SORCS2: variants seen among roughly 807,000 people sequenced by gnomAD.
SORCS2 encodes VPS10 domain-containing receptor SorCS2.
SORCS2 carries 100 observed loss-of-function variants against 141.6 expected under a neutral mutation model. The observed-to-expected ratio is 0.71, with a 90% CI of 0.60 to 0.83. SORCS2 has a LOEUF of 0.83. SORCS2 is among the 40% of genes least tolerant of loss of function. The pLI, the probability that SORCS2 is intolerant of heterozygous loss-of-function variation, is 0.00. For missense variants in SORCS2, 1,646 were observed against 1,560.2 expected (o/e 1.05, Z -0.93); for synonymous variants, 789 against 676.9 (o/e 1.17, Z -2.57).
intron 1 of SORCS2, among the ~76,000 whole-genome samples, chr4:7,378,523 G>A (rs979925789): frequency 2.0e-5 from 3 of 152,178 alleles, no homozygotes; most frequent in African/African-American, 7.2e-5. Flanking sequence ...AAAACCCTCA[G>A]ATCTCATGGG....
chr4:7,267,187 G>C (rs553369722), intron 1 of SORCS2, among the ~76,000 whole-genome samples: 2 of 152,320 alleles, frequency 1.3e-5, no homozygotes, highest in South Asian at 4.1e-4. Flanking sequence ...GTGATGATTA[G>C]AGATGAGTAG....
intron 3 of SORCS2, among the ~76,000 whole-genome samples, chr4:7,537,980 T>C (rs1370936808): frequency 6.6e-6 from 1 of 152,118 alleles, no homozygotes; most frequent in Non-Finnish European, 1.5e-5. Context: ...AGTGAGACAC[T>C]GTCTCAAAAG....
chr4:7,633,840 G>A (rs1294520764), intron 3 of SORCS2, among the ~76,000 whole-genome samples: 1 of 60,652 alleles, frequency 1.6e-5, no homozygotes, highest in Non-Finnish European at 4.8e-5. Flanking sequence ...TGTTTTGCTC[G>A]AGGTACAAAA....
intron 2 of SORCS2, among the ~76,000 whole-genome samples, chr4:7,403,898 C>A (rs981154411): frequency 7.0e-6 from 1 of 142,718 alleles, no homozygotes; most frequent in Admixed American, 7.1e-5. Flanking sequence ...AATACTCCAC[C>A]CCCCCGTACC....
chr4:7,641,827 T>TGGGGATGAAC (rs1720754773), intron 4 of SORCS2, among the ~76,000 whole-genome samples: 3 of 108,692 alleles, frequency 2.8e-5, no homozygotes, highest in Non-Finnish European at 5.6e-5. Flanking sequence ...GGTGGGTGGA[T>TGGGGATGAAC]GGATGGATGG....
intron 1 of SORCS2, among the ~76,000 whole-genome samples, chr4:7,265,581 C>T (rs1194635589): frequency 6.6e-6 from 1 of 152,172 alleles, no homozygotes; most frequent in Non-Finnish European, 1.5e-5. Flanking sequence ...CTGATGGCTC[C>T]AGATGTTCCC....
chr4:7,305,097 T>G (rs1350387050), intron 1 of SORCS2, among the ~76,000 whole-genome samples: 1 of 151,240 alleles, frequency 6.6e-6, no homozygotes, highest in Non-Finnish European at 1.5e-5. Flanking sequence ...CAGTGAGTGA[T>G]CTCAGCTCAC....
chr4:7,403,993 ATATATTTTTTTTT>A (rs1724791814), intron 2 of SORCS2, among the ~76,000 whole-genome samples: 1 of 7,708 alleles, frequency 1.3e-4, no homozygotes, highest in Non-Finnish European at 2.8e-4. Context: ...ATATATATAT[ATATATTTTTTTTT>A]TTTTTTTAGT....
intron 1 of SORCS2, among the ~76,000 whole-genome samples, chr4:7,351,112 G>A (rs781062577): frequency 2.0e-5 from 3 of 152,166 alleles, no homozygotes; most frequent in African/African-American, 4.8e-5. Context: ...CACGCTACAC[G>A]CCCCCCCACT....
At position 7,332,499 on chromosome 4, in the gene SORCS2, C is replaced by T. The variant is rs193248547; in HGVS notation, c.481-63789C>T. Among the ~76,000 whole-genome samples the T allele has an allele frequency of 2.1e-3, 322 of 152,290 alleles. 1 individual carries two copies. The highest frequency in any genetic ancestry group is 7.4e-3 in the African/African-American group (308 of 41,568). The stretch of plus-strand genomic sequence containing the variant: ...CACTGAGCCTGGAGAAATCAGCTTC[C>T]CCCGACCCACTGTGACCCCCGACCC... On this transcript the variant is annotated intron_variant, in intron 1 of 26. Transcript: ENST00000507866.
intron 8 of SORCS2, among the ~76,000 whole-genome samples, chr4:7,673,751 G>C (rs1482323175): frequency 6.6e-6 from 1 of 152,144 alleles, no homozygotes; most frequent in African/African-American, 2.4e-5. Context: ...GGGCATAGGA[G>C]GCACCATGTG....
intron 3 of SORCS2, among the ~76,000 whole-genome samples, chr4:7,574,634 A>T (rs973404118): frequency 3.3e-5 from 5 of 151,560 alleles, no homozygotes; most frequent in Admixed American, 2.6e-4. Flanking sequence ...GAAGGAGAGA[A>T]GGGAGGAAGG....
rs1560498560 is a variant in SORCS2, at chr4:7,706,079, CTG to C, written c.1868+1796_1868+1797del. ...GCCTGGGCAGGGATGAGGCTGGGCT[CTG>C]CCTGGACAGAGATGAGGCTGGGCTC... is the stretch of plus-strand genomic sequence containing the variant. On this transcript the variant is annotated intron_variant, in intron 14 of 26. Transcript: ENST00000507866. Among the ~76,000 whole-genome samples, 456 of 143,964 alleles carry C rather than the reference CTG, an allele frequency of 3.2e-3. 2 individuals are homozygous for C. The highest frequency in any genetic ancestry group is 3.7e-3 in the Non-Finnish European group (235 of 64,340). The allele number at this position is 143,964 out of a possible 152,430, so 94.4% of individuals were successfully genotyped here. A position where few individuals can be genotyped will look rare whatever the true frequency, so the allele number is the denominator to read the frequency against.
chr4:7,305,033 C>CT (rs748748182), intron 1 of SORCS2, among the ~76,000 whole-genome samples: 600 of 52,738 alleles, frequency 0.011, 1 homozygote, highest in African/African-American at 0.019. Flanking sequence ...TCTGGCTCTT[C>CT]TTTTTTTTTT....
chr4:7,679,680 G>A (rs559488652), intron 9 of SORCS2, among the ~76,000 whole-genome samples: 72 of 151,994 alleles, frequency 4.7e-4, no homozygotes, highest in African/African-American at 1.7e-3. Flanking sequence ...CCCTGCCCAC[G>A]CCTTGAATTT....
intron 2 of SORCS2, among the ~76,000 whole-genome samples, chr4:7,505,705 C>T (rs535848438): frequency 1.1e-4 from 17 of 152,086 alleles, no homozygotes; most frequent in Non-Finnish European, 1.8e-4. Flanking sequence ...AACACGAGGA[C>T]GCAGCAGCAA....
intron 1 of SORCS2, among the ~76,000 whole-genome samples, chr4:7,238,793 G>A (rs934408094): frequency 6.6e-6 from 1 of 152,192 alleles, no homozygotes; most frequent in African/African-American, 2.4e-5. Context: ...GCTGACCCCT[G>A]TCCGCCAGCT....
chr4:7,555,596 A>T (rs1476301820), intron 3 of SORCS2, among the ~76,000 whole-genome samples: 1 of 152,250 alleles, frequency 6.6e-6, no homozygotes, highest in Non-Finnish European at 1.5e-5. Flanking sequence ...ATGAAAACAG[A>T]CATAGCCCCT....
rs557564496 is a variant in SORCS2, at chr4:7,433,906, C to G, written c.548+37551C>G. 2.5e-5 allele frequency: 40 copies of G among 1,613,854 alleles called. No individual in the cohort carries two copies. The highest frequency in any genetic ancestry group is 3.3e-5 in the Non-Finnish European group (39 of 1,179,898). On this transcript the variant is annotated intron_variant, in intron 2 of 26. Transcript: ENST00000507866. ...CGTGATAGAGGCAGGCATTACCGAG[C>G]ACACGCGCTCCAGGGCATGGGTGAT... is the stretch of plus-strand genomic sequence containing the variant.
Sources: allele counts gnomAD v4.1 joint callset (sites outside exome capture counted in the v4.1 genomes callset), GRCh38; gene constraint gnomAD v4.1.1; transcripts MANE v1.5; gene names NCBI Gene and HGNC (gene_info 2026-07-23, HGNC 2026-07-21).